Variants in GPC6 observed in about 807,000 individuals in gnomAD.
GPC6 encodes the protein glypican-6.
In GPC6, 14 loss-of-function variants were observed where a neutral mutation model predicts 55.2. That is an observed-to-expected ratio of 0.25 (90% CI 0.17 to 0.40). The LOEUF (loss-of-function observed/expected upper bound fraction) is 0.40, where lower values mean the gene tolerates loss of function less well. Among genes scored for constraint, GPC6 ranks in the 10% least tolerant of loss-of-function variants. The pLI, the probability that GPC6 is intolerant of heterozygous loss-of-function variation, is 1.00. For missense variants in GPC6, 641 were observed against 708.5 expected (o/e 0.90, Z 1.08); for synonymous variants, 278 against 259.6 (o/e 1.07, Z -0.68).
intron 2 of GPC6, among the ~76,000 whole-genome samples, chr13:93,810,265 C>A (rs558880393): frequency 6.6e-6 from 1 of 152,154 alleles, no homozygotes; most frequent in Non-Finnish European, 1.5e-5. Flanking sequence ...ACATTGAGTC[C>A]GTTTCACTAT....
chr13:93,765,445 C>T (rs989010138), intron 2 of GPC6, among the ~76,000 whole-genome samples: 6 of 151,788 alleles, frequency 4.0e-5, no homozygotes, highest in Admixed American at 6.6e-5. Flanking sequence ...ATATAAATTT[C>T]ATTTCTCTTC....
chr13:94,340,272 C>A (rs1877963193), intron 6 of GPC6, among the ~76,000 whole-genome samples: 1 of 152,030 alleles, frequency 6.6e-6, no homozygotes, highest in Non-Finnish European at 1.5e-5. Context: ...GGAAAATAAT[C>A]CATCACTAAC....
intron 1 of GPC6, among the ~76,000 whole-genome samples, chr13:93,280,540 G>C (rs985104993): frequency 3.9e-5 from 6 of 152,216 alleles, no homozygotes; most frequent in Non-Finnish European, 8.8e-5. Context: ...ATGTATCTGT[G>C]AAAATAGTAG....
chr13:93,563,440 T>C (rs1280850849), intron 2 of GPC6, among the ~76,000 whole-genome samples: 1 of 151,852 alleles, frequency 6.6e-6, no homozygotes, highest in Non-Finnish European at 1.5e-5. Context: ...TATGCAAATA[T>C]GCACACAGAT....
intron 1 of GPC6, among the ~76,000 whole-genome samples, chr13:93,238,561 T>A (rs1876320077): frequency 6.6e-6 from 1 of 152,056 alleles, no homozygotes; most frequent in Non-Finnish European, 1.5e-5. Context: ...TGGAATGCCT[T>A]TTATTTCTTT....
intron 4 of GPC6, among the ~76,000 whole-genome samples, chr13:94,197,696 GGGGATACAATTCA>G (rs1437400680): frequency 3.9e-5 from 6 of 152,176 alleles, no homozygotes; most frequent in Middle Eastern, 3.4e-3. Context: ...GCCTCTTTAG[GGGGATACAATTCA>G]GCCCGTAACA....
chr13:93,898,540 C>T (rs148019731), intron 3 of GPC6, among the ~76,000 whole-genome samples: 291 of 152,096 alleles, frequency 1.9e-3, no homozygotes, highest in African/African-American at 6.5e-3. Flanking sequence ...GATTAATCAG[C>T]GGACTGTAAC....
chr13:93,806,338 A>G (rs1361911286), intron 2 of GPC6, among the ~76,000 whole-genome samples: 2 of 151,848 alleles, frequency 1.3e-5, no homozygotes, highest in African/African-American at 2.4e-5. Flanking sequence ...AATTTTATTC[A>G]TTTTTATTTT....
chr13:94,288,961 A>AGATC (rs141085904), intron 5 of GPC6, among the ~76,000 whole-genome samples: 7,662 of 131,102 alleles, frequency 0.058, 624 homozygotes, highest in African/African-American at 0.17. Context: ...ATATATAGAT[A>AGATC]GATAGATAGA....
intron 2 of GPC6, among the ~76,000 whole-genome samples, chr13:93,609,212 TTTG>T (rs973910823): frequency 3.3e-5 from 5 of 152,130 alleles, no homozygotes; most frequent in Admixed American, 2.6e-4. Context: ...CTAACCTGAC[TTTG>T]TTGTTGTTGT....
At chr13:93,770,163 T>C (rs1487031162) in intron 2 of GPC6, among the ~76,000 whole-genome samples, 1 of 152,224 alleles carries the variant, frequency 6.6e-6, no homozygotes, top group Non-Finnish European at 1.5e-5. Context: ...ACCCCCACTT[T>C]TATGGGTATA....
chr13:93,300,796 G>T (rs999301266), intron 1 of GPC6, among the ~76,000 whole-genome samples: 4 of 152,068 alleles, frequency 2.6e-5, no homozygotes, highest in African/African-American at 9.7e-5. Context: ...AACGCAGGAG[G>T]ATCACATGAG....
chr13:94,292,902 G>T (rs949598464), intron 5 of GPC6, among the ~76,000 whole-genome samples: 1 of 152,158 alleles, frequency 6.6e-6, no homozygotes, highest in Admixed American at 6.5e-5. Context: ...GAAGCTATTA[G>T]GGATGAGGCG....
intron 4 of GPC6, among the ~76,000 whole-genome samples, chr13:94,102,620 A>T (rs1885908109): frequency 6.6e-6 from 1 of 152,118 alleles, no homozygotes; most frequent in Non-Finnish European, 1.5e-5. Context: ...ATTATAGGAA[A>T]CAGCCTTATG....
intron 1 of GPC6, among the ~76,000 whole-genome samples, chr13:93,496,307 T>G (rs949271507): frequency 3.9e-5 from 6 of 152,198 alleles, no homozygotes; most frequent in Non-Finnish European, 7.3e-5. Flanking sequence ...CCCTCACCCC[T>G]TTCTTTGACT....
chr13:94,176,549 CT>C, intron 4 of GPC6, among the ~76,000 whole-genome samples: 1 of 152,264 alleles, frequency 6.6e-6, no homozygotes, highest in African/African-American at 2.4e-5. Context: ...TATTTATAAT[CT>C]TCTTTTCAAA....
chr13:93,798,860 A>G (rs1315452082), intron 2 of GPC6, among the ~76,000 whole-genome samples: 1 of 146,506 alleles, frequency 6.8e-6, no homozygotes, highest in East Asian at 2.0e-4. Flanking sequence ...CGGAGGTTGC[A>G]ATGAGCCAAG....
intron 2 of GPC6, among the ~76,000 whole-genome samples, chr13:93,571,032 C>CAT (rs1029859884): frequency 3.9e-5 from 6 of 151,954 alleles, no homozygotes; most frequent in African/African-American, 1.2e-4. Context: ...TGTCTTATTA[C>CAT]ATATATATAT....
intron 1 of GPC6, among the ~76,000 whole-genome samples, chr13:93,364,915 A>G (rs1010081781): frequency 2.0e-5 from 3 of 151,836 alleles, no homozygotes; most frequent in South Asian, 2.1e-4. Flanking sequence ...GTCTCCATTT[A>G]TGGATCCTCC....
Sources: gnomAD v4.1 joint callset for allele counts (sites outside exome capture counted in the v4.1 genomes callset) on GRCh38, gnomAD v4.1.1 for gene constraint, MANE v1.5 for transcripts, NCBI Gene and HGNC (gene_info 2026-07-23, HGNC 2026-07-21) for gene names.